The following LDLRAD3 variants were observed in gnomAD, a reference collection of about 807,000 sequenced individuals.
LDLRAD3 encodes low density lipoprotein receptor class A domain containing 3.
Under a neutral mutation model 29.4 loss-of-function variants are expected in LDLRAD3, and 20 were observed. The observed-to-expected ratio is 0.68, with a 90% confidence interval of 0.48 to 0.99. The LOEUF (loss-of-function observed/expected upper bound fraction) is 0.99, where lower values mean the gene tolerates loss of function less well. Among genes scored for constraint, LDLRAD3 ranks in the 50% least tolerant of loss-of-function variants. LDLRAD3 has a pLI of 0.00. For synonymous variants in LDLRAD3, 157 were observed against 192.7 expected, an observed-to-expected ratio of 0.81 and a Z score of 1.53; for missense variants, 420 against 454.3, an observed-to-expected ratio of 0.92 and a Z score of 0.69.
chr11:35,951,984 T>C (rs1851141141), intron 1 of LDLRAD3, among the ~76,000 whole-genome samples: 1 of 152,248 alleles, frequency 6.6e-6, no homozygotes, highest in South Asian at 2.1e-4. Flanking sequence ...TTGGCCATCT[T>C]TCTTTCGGCT....
At chr11:36,154,795 C>T (rs555269878) in intron 4 of LDLRAD3, among the ~76,000 whole-genome samples, 1 of 152,256 alleles carries the variant, frequency 6.6e-6, no homozygotes, top group South Asian at 2.1e-4. Flanking sequence ...CTAATGACAG[C>T]CTCATTTGAG....
intron 1 of LDLRAD3, chr11:35,967,940 A>G: frequency 2.5e-6 from 1 of 393,026 alleles, no homozygotes; most frequent in Non-Finnish European, 4.9e-6. Context: ...CGCAAAGCCA[A>G]ATTCTCAGGT....
chr11:36,069,066 ACATTGCAATAT>A (rs1015598003), intron 2 of LDLRAD3, among the ~76,000 whole-genome samples: 32 of 152,244 alleles, frequency 2.1e-4, no homozygotes, highest in African/African-American at 6.5e-4. Flanking sequence ...AAGAAATAAT[ACATTGCAATAT>A]CTGATCAATA....
intron 1 of LDLRAD3, among the ~76,000 whole-genome samples, chr11:35,964,171 A>G (rs1200803757): frequency 6.6e-6 from 1 of 152,178 alleles, no homozygotes; most frequent in Non-Finnish European, 1.5e-5. Context: ...GGCATTGTCT[A>G]CTAGGAACAC....
intron 1 of LDLRAD3, among the ~76,000 whole-genome samples, chr11:35,973,820 C>T (rs1266655772): frequency 6.6e-6 from 1 of 152,090 alleles, no homozygotes; most frequent in Non-Finnish European, 1.5e-5. Context: ...AGAGAGGCTG[C>T]ACCAGTATAC....
At chr11:35,963,113 T>C (rs1851297805) in intron 1 of LDLRAD3, among the ~76,000 whole-genome samples, 1 of 152,212 alleles carries the variant, frequency 6.6e-6, no homozygotes, top group Non-Finnish European at 1.5e-5. Flanking sequence ...GCCATTTTAT[T>C]AAAATTTTAA....
chr11:36,113,887 C>T (rs575378237), intron 4 of LDLRAD3, among the ~76,000 whole-genome samples: 7 of 152,092 alleles, frequency 4.6e-5, no homozygotes, highest in Admixed American at 2.0e-4. Context: ...TTGGCCAGGC[C>T]GGTCTCAAAC....
At chr11:36,114,630 C>T (rs1463255436) in intron 4 of LDLRAD3, among the ~76,000 whole-genome samples, 1 of 152,188 alleles carries the variant, frequency 6.6e-6, no homozygotes, top group Non-Finnish European at 1.5e-5. Context: ...GCCTTGTCCT[C>T]ATTAGCTAAT....
At chr11:36,077,755 G>A (rs963359819) in intron 2 of LDLRAD3, among the ~76,000 whole-genome samples, 1 of 152,184 alleles carries the variant, frequency 6.6e-6, no homozygotes, top group Non-Finnish European at 1.5e-5. Flanking sequence ...CTGGCTTGGG[G>A]TTGCTCCTAG....
intron 1 of LDLRAD3, among the ~76,000 whole-genome samples, chr11:36,012,675 G>A (rs189106746): frequency 1.3e-5 from 2 of 152,138 alleles, no homozygotes; most frequent in Non-Finnish European, 2.9e-5. Flanking sequence ...AGAGCAGGAC[G>A]ACACGAGATT....
chr11:35,985,674 C>T (rs117690289), intron 1 of LDLRAD3, among the ~76,000 whole-genome samples: 1,646 of 152,126 alleles, frequency 0.011, 10 homozygotes, highest in Non-Finnish European at 0.015. Flanking sequence ...ATGCCATTCT[C>T]GTGATAGTGA....
At chr11:36,098,968 A>G (rs1482621203) in intron 4 of LDLRAD3, among the ~76,000 whole-genome samples, 1 of 150,492 alleles carries the variant, frequency 6.6e-6, no homozygotes. Flanking sequence ...AGACATTCAC[A>G]GGCATCACAA....
At chr11:36,130,697 G>T (rs934028444) in intron 4 of LDLRAD3, among the ~76,000 whole-genome samples, 2 of 152,196 alleles carry the variant, frequency 1.3e-5, no homozygotes, top group East Asian at 1.9e-4. Context: ...CTATGTTAAT[G>T]TTAGGTCCTT....
At chr11:35,948,095 C>T (rs906648480) in intron 1 of LDLRAD3, among the ~76,000 whole-genome samples, 3 of 151,968 alleles carry the variant, frequency 2.0e-5, no homozygotes, top group Non-Finnish European at 2.9e-5. Context: ...AGCCAGGGTT[C>T]GATTTCTTGA....
chr11:36,156,663 C>T (rs559670497), intron 4 of LDLRAD3, among the ~76,000 whole-genome samples: 1 of 152,316 alleles, frequency 6.6e-6, no homozygotes, highest in East Asian at 1.9e-4. Context: ...CATTATTTGG[C>T]AACAATAACT....
At chr11:36,212,493 T>C (rs960667772) in intron 4 of LDLRAD3, among the ~76,000 whole-genome samples, 1 of 151,838 alleles carries the variant, frequency 6.6e-6, no homozygotes, top group Non-Finnish European at 1.5e-5. Context: ...GCAATCTGAA[T>C]TCCTACTTAA....
chr11:36,137,645 G>A lies in LDLRAD3; in HGVS notation c.454+39184G>A, dbSNP rs370043829. On this transcript the variant is annotated intron_variant, in intron 4 of 5. Coordinates refer to ENST00000315571, the MANE Select transcript of LDLRAD3 (RefSeq NM_174902.4). ...TGGTATTAATAAGCACATTGTGCCC[G>A]TGGACAACATTGTAGATCAATACAG... Among the ~76,000 whole-genome samples the A allele has an allele frequency of 4.6e-5, 7 of 152,338 alleles. No individual in the cohort carries two copies. The South Asian group carries it at 8.3e-4, about 18-fold the overall frequency.
intron 4 of LDLRAD3, among the ~76,000 whole-genome samples, chr11:36,223,253 G>A (rs1038816001): frequency 2.0e-5 from 3 of 152,178 alleles, no homozygotes; most frequent in Admixed American, 6.5e-5. Flanking sequence ...TCTGAAGAGA[G>A]CCTGCTTTCG....
chr11:36,039,034 A>G (rs1201036383), intron 2 of LDLRAD3, among the ~76,000 whole-genome samples: 1 of 146,760 alleles, frequency 6.8e-6, no homozygotes, highest in East Asian at 2.0e-4. Flanking sequence ...CAGTGGCGTG[A>G]TCTCGGCTCA....
Sources: allele counts gnomAD v4.1 joint callset (sites outside exome capture counted in the v4.1 genomes callset), GRCh38; gene constraint gnomAD v4.1.1; transcripts MANE v1.5; gene names NCBI Gene and HGNC (gene_info 2026-07-23, HGNC 2026-07-21).